Variants in IQSEC1 observed in about 807,000 individuals in gnomAD.
IQSEC1 encodes IQ motif and Sec7 domain ArfGEF 1, also known as IQ motif and SEC7 domain-containing protein 1.
Under a neutral mutation model 91.0 loss-of-function variants are expected in IQSEC1, and 31 were observed. That is an observed-to-expected ratio of 0.34 (90% CI 0.26 to 0.46). IQSEC1 has a LOEUF of 0.46. IQSEC1 is among the 20% of genes least tolerant of loss of function. IQSEC1 has a pLI of 1.00. For synonymous variants in IQSEC1, 699 were observed against 662.6 expected (o/e 1.05, Z -0.84); for missense variants, 1,388 against 1,575.6 (o/e 0.88, Z 2.02).
chr3:12,996,015 A>G (rs151177881), intron 1 of IQSEC1, among the ~76,000 whole-genome samples: 550 of 152,180 alleles, frequency 3.6e-3, no homozygotes, highest in Non-Finnish European at 6.3e-3. Context: ...CTCCATCTCA[A>G]AAATAAATTA....
chr3:13,268,544 T>C (rs186990062), intron 1 of IQSEC1, among the ~76,000 whole-genome samples: 3 of 152,306 alleles, frequency 2.0e-5, no homozygotes, highest in East Asian at 1.9e-4. Flanking sequence ...ACTCCCACCA[T>C]GAACCTGTGT....
intron 1 of IQSEC1, among the ~76,000 whole-genome samples, chr3:13,221,421 GC>G (rs1347538346): frequency 2.0e-5 from 3 of 152,210 alleles, no homozygotes; most frequent in African/African-American, 7.2e-5. Flanking sequence ...TCACACAGAG[GC>G]CTCCTTCAAC....
intron 2 of IQSEC1, among the ~76,000 whole-genome samples, chr3:13,130,679 G>A (rs563045045): frequency 6.6e-6 from 1 of 152,164 alleles, no homozygotes; most frequent in Admixed American, 6.5e-5. Context: ...GCTCACGCCT[G>A]TAATCCCAAC....
chr3:13,061,522 A>G (rs7613385), intron 1 of IQSEC1, among the ~76,000 whole-genome samples: 7,385 of 151,934 alleles, frequency 0.049, 530 homozygotes, highest in African/African-American at 0.16. Flanking sequence ...GGGTCCCAGG[A>G]CTTACCTAGC....
At chr3:13,065,534 T>C (rs554705453) in intron 1 of IQSEC1, among the ~76,000 whole-genome samples, 5 of 152,342 alleles carry the variant, frequency 3.3e-5, no homozygotes, top group African/African-American at 1.2e-4. Flanking sequence ...AAACACAAGA[T>C]ACCACTTCAC....
chr3:13,139,711 A>ACCT (rs1706768161), intron 2 of IQSEC1, among the ~76,000 whole-genome samples: 2 of 152,206 alleles, frequency 1.3e-5, no homozygotes, highest in African/African-American at 2.4e-5. Context: ...TTCTTAGAAA[A>ACCT]TAAGGACAGA....
At chr3:13,275,128 A>G (rs1695652902) in intron 1 of IQSEC1, among the ~76,000 whole-genome samples, 1 of 152,242 alleles carries the variant, frequency 6.6e-6, no homozygotes, top group African/African-American at 2.4e-5. Context: ...GGATGAGGAC[A>G]GTTCACACTT....
intron 2 of IQSEC1, among the ~76,000 whole-genome samples, chr3:12,939,054 C>G (rs1035885828): frequency 6.6e-6 from 1 of 152,204 alleles, no homozygotes; most frequent in Non-Finnish European, 1.5e-5. Context: ...AACATGTGCT[C>G]ATCTACTATG....
chr3:13,258,698 A>G (rs987293136), intron 1 of IQSEC1, among the ~76,000 whole-genome samples: 4 of 152,170 alleles, frequency 2.6e-5, no homozygotes, highest in African/African-American at 9.7e-5. Flanking sequence ...AAGATTAAAT[A>G]AATAAATAAG....
At chr3:12,971,763 C>G (rs774614215) in intron 1 of IQSEC1, among the ~76,000 whole-genome samples, 6 of 152,066 alleles carry the variant, frequency 3.9e-5, no homozygotes, top group Non-Finnish European at 8.8e-5. Flanking sequence ...GTGTTTGTTA[C>G]TTTTTAAAAA....
chr3:13,173,306 C>T (rs905623287), intron 1 of IQSEC1, among the ~76,000 whole-genome samples: 12 of 152,320 alleles, frequency 7.9e-5, no homozygotes, highest in South Asian at 2.1e-4. Context: ...AGTCTCGTGT[C>T]CCCTCCCACT....
At position 12,979,720 on chromosome 3, in the gene IQSEC1, C is replaced by G. The variant is rs1198340172; in HGVS notation, c.24-37855G>C. Among the ~76,000 whole-genome samples the G allele has an allele frequency of 6.6e-6, 1 of 152,168 alleles. No homozygotes were observed. Among genetic ancestry groups the G allele is most frequent in the African/African-American group, 2.4e-5 (1 of 41,424 alleles). On this transcript the variant is annotated intron_variant, in intron 1 of 13. Transcript: ENST00000613206. This position sits in a 1 kb window ranked among gnomAD's most constrained non-coding sequence, Gnocchi z 4.3. The stretch of plus-strand genomic sequence containing the variant: ...TCTGTCAGCATGCCGACCCTCCTGT[C>G]TGATGTCATCAGAAGGGCGGAAAGA...
chr3:12,933,766 GGAAGGAGA>G (rs1411970074), intron 3 of IQSEC1, among the ~76,000 whole-genome samples: 1 of 152,250 alleles, frequency 6.6e-6, no homozygotes. Flanking sequence ...AAAAAAATCT[GGAAGGAGA>G]GACTGCAACA....
At position 13,172,423 on chromosome 3, in the gene IQSEC1, A is replaced by G. The variant is rs141534741; in HGVS notation, c.273-8290T>C. 9.5e-4 allele frequency among the ~76,000 whole-genome samples: 145 copies of G among 152,354 alleles called. 1 individual carries two copies. Among genetic ancestry groups the G allele is most frequent in the African/African-American group, 3.3e-3 (138 of 41,598 alleles). The stretch of plus-strand genomic sequence containing the variant: ...CCTTCCTTAAACAGGACAGGCCCAG[A>G]AAGACTGAAGCTGGTTCATCCAGAC... On this transcript the variant is annotated intron_variant, in intron 1 of 15. Coordinates refer to the IQSEC1 transcript ENST00000648114.
chr3:12,939,941 G>A (rs992810222), intron 2 of IQSEC1, among the ~76,000 whole-genome samples: 2 of 152,182 alleles, frequency 1.3e-5, no homozygotes, highest in Non-Finnish European at 2.9e-5. Context: ...CCTCGCCTTG[G>A]TCATGGGCAC....
At chr3:13,029,488 A>T (rs1230406207) in intron 1 of IQSEC1, among the ~76,000 whole-genome samples, 1 of 152,196 alleles carries the variant, frequency 6.6e-6, no homozygotes, top group Non-Finnish European at 1.5e-5. Flanking sequence ...TCAATGTCTA[A>T]CCTAAATCCT....
chr3:13,220,715 C>T (rs1176101125), intron 1 of IQSEC1, among the ~76,000 whole-genome samples: 1 of 152,230 alleles, frequency 6.6e-6, no homozygotes, highest in Non-Finnish European at 1.5e-5. Context: ...AGGTGCACGT[C>T]GACCCTTGCA....
intron 1 of IQSEC1, among the ~76,000 whole-genome samples, chr3:13,190,757 A>G (rs1034271862): frequency 2.6e-5 from 4 of 152,226 alleles, no homozygotes; most frequent in Non-Finnish European, 5.9e-5. Context: ...TTGTCTACAT[A>G]CATAAACACT....
At chr3:13,185,559 C>T (rs375707186) in intron 1 of IQSEC1, among the ~76,000 whole-genome samples, 16 of 152,302 alleles carry the variant, frequency 1.1e-4, no homozygotes, top group African/African-American at 3.9e-4. Flanking sequence ...AAAACAGCAG[C>T]TTGATTACTT....
Sources: allele counts gnomAD v4.1 joint callset (sites outside exome capture counted in the v4.1 genomes callset), GRCh38; gene constraint gnomAD v4.1.1; non-coding constraint Gnocchi (gnomAD v3.1); transcripts MANE v1.5; gene names NCBI Gene and HGNC (gene_info 2026-07-23, HGNC 2026-07-21).